HS6ST3: variants seen among roughly 807,000 people sequenced by gnomAD.
HS6ST3 encodes heparan-sulfate 6-O-sulfotransferase 3.
Under a neutral mutation model 36.7 loss-of-function variants are expected in HS6ST3, and 12 were observed. That is an observed-to-expected ratio of 0.33 (90% confidence interval 0.21 to 0.53). The LOEUF (loss-of-function observed/expected upper bound fraction) is 0.53, where lower values mean the gene tolerates loss of function less well. HS6ST3 is among the 20% of genes least tolerant of loss of function. HS6ST3 has a pLI of 0.95. For synonymous variants in HS6ST3, 240 were observed against 257.5 expected (o/e 0.93, Z 0.65); for missense variants, 584 against 640.9 (o/e 0.91, Z 0.96).
intron 1 of HS6ST3, among the ~76,000 whole-genome samples, chr13:96,255,810 C>A (rs1431228840): frequency 1.3e-5 from 2 of 152,172 alleles, no homozygotes; most frequent in Non-Finnish European, 2.9e-5. Flanking sequence ...CAGTGCTTCT[C>A]TGATTTTGAT....
intron 1 of HS6ST3, among the ~76,000 whole-genome samples, chr13:96,829,969 C>T (rs751402408): frequency 2.0e-5 from 3 of 152,024 alleles, no homozygotes; most frequent in Non-Finnish European, 2.9e-5. Context: ...GAGGGCTTGG[C>T]TTGCTATTTT....
chr13:96,440,480 G>A (rs1364853766), intron 1 of HS6ST3, among the ~76,000 whole-genome samples: 2 of 109,670 alleles, frequency 1.8e-5, no homozygotes, highest in African/African-American at 4.0e-5. Flanking sequence ...GGGAGGGGAG[G>A]GGAGGGGAGA....
intron 1 of HS6ST3, among the ~76,000 whole-genome samples, chr13:96,647,173 T>C (rs9554354): frequency 1.3e-5 from 2 of 152,138 alleles, no homozygotes; most frequent in East Asian, 1.9e-4. Flanking sequence ...ATTAATACTT[T>C]TCAAATGAAA....
intron 1 of HS6ST3, among the ~76,000 whole-genome samples, chr13:96,608,260 T>A (rs1400995321): frequency 6.6e-6 from 1 of 152,242 alleles, no homozygotes; most frequent in Non-Finnish European, 1.5e-5. Context: ...AAATAGTAGA[T>A]GTGGGAATAT....
chr13:96,443,303 G>T (rs888489990), intron 1 of HS6ST3, among the ~76,000 whole-genome samples: 5 of 151,970 alleles, frequency 3.3e-5, no homozygotes, highest in Admixed American at 2.6e-4. Context: ...GGCTGAGGCG[G>T]GCGGATCACA....
chr13:96,417,475 T>C (rs548355264), intron 1 of HS6ST3, among the ~76,000 whole-genome samples: 3 of 152,160 alleles, frequency 2.0e-5, no homozygotes, highest in African/African-American at 7.2e-5. Flanking sequence ...GGTTTGCTAA[T>C]TAATCTTTTA....
intron 1 of HS6ST3, among the ~76,000 whole-genome samples, chr13:96,741,631 A>T (rs527940430): frequency 6.6e-6 from 1 of 152,294 alleles, no homozygotes; most frequent in East Asian, 1.9e-4. Flanking sequence ...ATAAAAATAC[A>T]AATCCCAAGA....
intron 1 of HS6ST3, among the ~76,000 whole-genome samples, chr13:96,612,123 T>G (rs1200761094): frequency 6.6e-6 from 1 of 152,142 alleles, no homozygotes; most frequent in Non-Finnish European, 1.5e-5. Context: ...GGGCAAAGAA[T>G]GGGAGAAATA....
intron 1 of HS6ST3, among the ~76,000 whole-genome samples, chr13:96,286,993 G>GCAGCAAAT (rs2054806959): frequency 6.6e-6 from 1 of 152,118 alleles, no homozygotes; most frequent in African/African-American, 2.4e-5. Context: ...AAGCAGCAAA[G>GCAGCAAAT]CACATCTGGG....
intron 1 of HS6ST3, among the ~76,000 whole-genome samples, chr13:96,510,318 A>C (rs1215731451): frequency 6.6e-6 from 1 of 152,082 alleles, no homozygotes. Flanking sequence ...TATCATATGC[A>C]AACAGTGGTA....
chr13:96,375,314 A>C (rs2055309581), intron 1 of HS6ST3, among the ~76,000 whole-genome samples: 1 of 152,078 alleles, frequency 6.6e-6, no homozygotes, highest in Non-Finnish European at 1.5e-5. Flanking sequence ...CTTTAGCATG[A>C]CCTATGGCAA....
At chr13:96,256,698 G>C (rs2054639140) in intron 1 of HS6ST3, among the ~76,000 whole-genome samples, 1 of 152,184 alleles carries the variant, frequency 6.6e-6, no homozygotes, top group East Asian at 1.9e-4. Context: ...TAGATGAAGA[G>C]TCGTAAGGCA....
At chr13:96,776,229 G>C (rs919902238) in intron 1 of HS6ST3, among the ~76,000 whole-genome samples, 4 of 151,990 alleles carry the variant, frequency 2.6e-5, no homozygotes, top group Non-Finnish European at 5.9e-5. Flanking sequence ...ATGTCCACAG[G>C]AGAAAGCAGA....
chr13:96,198,716 A>G (rs1346107246), intron 1 of HS6ST3, among the ~76,000 whole-genome samples: 1 of 152,168 alleles, frequency 6.6e-6, no homozygotes, highest in Non-Finnish European at 1.5e-5. Flanking sequence ...CCTGGGCCTT[A>G]TTGTCCATAT....
chr13:96,404,952 T>C (rs1423265082), intron 1 of HS6ST3, among the ~76,000 whole-genome samples: 3 of 152,112 alleles, frequency 2.0e-5, no homozygotes, highest in Non-Finnish European at 4.4e-5. Flanking sequence ...TCTCACGAGA[T>C]CTGATGGTTT....
chr13:96,395,504 T>G (rs970603051), intron 1 of HS6ST3, among the ~76,000 whole-genome samples: 2 of 152,162 alleles, frequency 1.3e-5, no homozygotes, highest in African/African-American at 4.8e-5. Flanking sequence ...CCATCCGTTT[T>G]TTTCCTCCCA....
At chr13:96,230,352 G>A (rs1278713576) in intron 1 of HS6ST3, among the ~76,000 whole-genome samples, 1 of 152,132 alleles carries the variant, frequency 6.6e-6, no homozygotes, top group Non-Finnish European at 1.5e-5. Flanking sequence ...TCAGGGTACT[G>A]GTTTTGACAA....
At chr13:96,478,014 CAAGAA>C (rs1331263480) in intron 1 of HS6ST3, among the ~76,000 whole-genome samples, 2 of 152,050 alleles carry the variant, frequency 1.3e-5, no homozygotes, top group African/African-American at 4.8e-5. Flanking sequence ...AACAAAGTAT[CAAGAA>C]GAGAAGGGGA....
intron 1 of HS6ST3, among the ~76,000 whole-genome samples, chr13:96,782,663 G>C (rs1167255266): frequency 6.6e-6 from 1 of 152,104 alleles, no homozygotes; most frequent in African/African-American, 2.4e-5. Context: ...CTTGCCCTGA[G>C]ATAAAATTAT....
Sources: allele counts gnomAD v4.1 joint callset (sites outside exome capture counted in the v4.1 genomes callset), GRCh38; gene constraint gnomAD v4.1.1; transcripts MANE v1.5; gene names NCBI Gene and HGNC (gene_info 2026-07-23, HGNC 2026-07-21).